DPP10: variants seen among roughly 807,000 people sequenced by gnomAD.
DPP10 encodes inactive dipeptidyl peptidase 10.
In DPP10, 33 loss-of-function variants were observed where a neutral mutation model predicts 120.9. That is an observed-to-expected ratio of 0.27 (90% confidence interval 0.21 to 0.37). The LOEUF (loss-of-function observed/expected upper bound fraction) is 0.37. Among genes scored for constraint, DPP10 ranks in the 10% least tolerant of loss-of-function variants. DPP10 has a pLI of 1.00. For synonymous variants in DPP10, 337 were observed against 326.1 expected (o/e 1.03, Z -0.36); for missense variants, 816 against 942.8 (o/e 0.87, Z 1.76).
chr2:115,451,773 G>C (rs843446), intron 3 of DPP10, among the ~76,000 whole-genome samples: 7 of 151,882 alleles, frequency 4.6e-5, no homozygotes, highest in African/African-American at 1.5e-4. Flanking sequence ...AAAAATTAAC[G>C]CATAAAAGTG....
intron 5 of DPP10, among the ~76,000 whole-genome samples, chr2:115,572,612 A>G (rs959686824): frequency 1.3e-5 from 2 of 152,184 alleles, no homozygotes; most frequent in African/African-American, 2.4e-5. Context: ...TAAAATGTAC[A>G]TAGGACAGAA....
At chr2:114,748,383 TTTA>T (rs1678835110) in intron 1 of DPP10, among the ~76,000 whole-genome samples, 3 of 142,976 alleles carry the variant, frequency 2.1e-5, no homozygotes, top group East Asian at 2.0e-4. Flanking sequence ...TATTTATTTA[TTTA>T]TTTATTTATT....
At chr2:115,712,543 A>ATATATATATATATATATATATATATGT (rs56675119) in intron 7 of DPP10, among the ~76,000 whole-genome samples, 1 of 64,274 alleles carries the variant, frequency 1.6e-5, no homozygotes, top group African/African-American at 5.5e-5. Context: ...TCCTGAATTA[A>ATATATATATATATATATATATATATGT]ATATATATAT....
At chr2:114,586,848 T>C (rs1691023837) in intron 1 of DPP10, among the ~76,000 whole-genome samples, 1 of 152,298 alleles carries the variant, frequency 6.6e-6, no homozygotes, top group African/African-American at 2.4e-5. Context: ...CCATCTCTCT[T>C]TCTTCTCTCT....
chr2:115,560,302 C>G (rs748093897), intron 5 of DPP10, among the ~76,000 whole-genome samples: 2 of 130,510 alleles, frequency 1.5e-5, no homozygotes, highest in African/African-American at 2.9e-5. Flanking sequence ...ACCCGGGAGG[C>G]AGAGCTTGCA....
chr2:114,910,974 C>T (rs1694322026), intron 1 of DPP10, among the ~76,000 whole-genome samples: 1 of 152,046 alleles, frequency 6.6e-6, no homozygotes, highest in South Asian at 2.1e-4. Flanking sequence ...GCTCTTATCC[C>T]CACTATATCT....
chr2:115,489,126 C>T (rs189641681), intron 3 of DPP10, among the ~76,000 whole-genome samples: 71 of 152,044 alleles, frequency 4.7e-4, no homozygotes, highest in African/African-American at 1.6e-3. Context: ...TTTAAAGAAC[C>T]AGAGGGTAAA....
intron 1 of DPP10, chr2:115,161,614 G>A (rs955041098): frequency 1.5e-5 from 3 of 202,166 alleles, no homozygotes; most frequent in South Asian, 1.8e-4. Flanking sequence ...GAAGGCACGA[G>A]GCGTCGCCGC....
intron 21 of DPP10, among the ~76,000 whole-genome samples, chr2:115,832,686 C>T (rs977354868): frequency 6.6e-6 from 1 of 151,974 alleles, no homozygotes; most frequent in Non-Finnish European, 1.5e-5. Flanking sequence ...AATATAACTC[C>T]TTGTATAGCA....
chr2:115,618,009 A>T (rs1472500389), intron 5 of DPP10, among the ~76,000 whole-genome samples: 1 of 152,190 alleles, frequency 6.6e-6, no homozygotes. Context: ...CACCTATGTG[A>T]TAAGATGAAG....
At chr2:115,432,922 G>C (rs1247135735) in intron 3 of DPP10, among the ~76,000 whole-genome samples, 1 of 151,966 alleles carries the variant, frequency 6.6e-6, no homozygotes, top group African/African-American at 2.4e-5. Context: ...CGTGCAACTA[G>C]TTATGGTCCA....
At chr2:115,420,715 C>A (rs2069865171) in intron 3 of DPP10, among the ~76,000 whole-genome samples, 1 of 152,112 alleles carries the variant, frequency 6.6e-6, no homozygotes, top group Admixed American at 6.6e-5. Flanking sequence ...GTAGCCTTGG[C>A]TCCTTTCTGG....
At chr2:114,863,462 T>C (rs771433852) in intron 1 of DPP10, among the ~76,000 whole-genome samples, 10 of 152,126 alleles carry the variant, frequency 6.6e-5, no homozygotes, top group Non-Finnish European at 8.8e-5. Context: ...TTAGTGGTGG[T>C]GAGAGACTTA....
intron 1 of DPP10, among the ~76,000 whole-genome samples, chr2:114,725,357 C>T (rs1001508393): frequency 1.3e-5 from 2 of 152,188 alleles, no homozygotes; most frequent in Non-Finnish European, 2.9e-5. Context: ...TCACCACTTT[C>T]CATCACCTAC....
chr2:115,796,898 A>G (rs543223930), intron 19 of DPP10, among the ~76,000 whole-genome samples: 2 of 152,214 alleles, frequency 1.3e-5, no homozygotes, highest in South Asian at 4.1e-4. Flanking sequence ...AGGAAAAGTT[A>G]AGGTTTGGAC....
At position 115,469,884 on chromosome 2, in the gene DPP10, G is replaced by GAAA. The variant is rs1212190142; in HGVS notation, c.272-29613_272-29611dup. On this transcript the variant is annotated intron_variant, in intron 3 of 25. Transcript: ENST00000410059. ...TTGCACTCCAGCCTGGGCAACAAGAGAAAAAAAAAAAAAAAGAAAAAAAAA... is the reference window on the plus strand; with the variant it reads ...TTGCACTCCAGCCTGGGCAACAAGAGAAAAAAAAAAAAAAAAAAGAAAAAAAAA... Among the ~76,000 whole-genome samples, 17 of 75,548 alleles carry GAAA rather than the reference G, an allele frequency of 2.3e-4. 1 individual carries two copies. The highest frequency in any genetic ancestry group is 3.1e-4 in the Non-Finnish European group (11 of 35,600). The allele number at this position is 75,548 out of a possible 152,430, so 49.6% of individuals were successfully genotyped here. A position where few individuals can be genotyped will look rare whatever the true frequency, so the allele number is the denominator to read the frequency against.
intron 1 of DPP10, among the ~76,000 whole-genome samples, chr2:114,729,485 G>A (rs887530996): frequency 3.9e-5 from 6 of 152,208 alleles, no homozygotes; most frequent in African/African-American, 1.4e-4. Context: ...CCAAAATGAA[G>A]AGCAAGGCCC....
intron 4 of DPP10, among the ~76,000 whole-genome samples, chr2:115,506,394 G>T (rs1481263727): frequency 2.0e-5 from 3 of 152,060 alleles, no homozygotes; most frequent in East Asian, 1.9e-4. Context: ...ATTTAAAAAA[G>T]TAAAAAATCA....
At chr2:114,968,370 A>G (rs184850183) in intron 1 of DPP10, among the ~76,000 whole-genome samples, 3 of 152,314 alleles carry the variant, frequency 2.0e-5, no homozygotes, top group Admixed American at 1.3e-4. Context: ...TATAGACTTC[A>G]ATTTTAATAG....
Sources: gnomAD v4.1 joint callset for allele counts (sites outside exome capture counted in the v4.1 genomes callset) on GRCh38, gnomAD v4.1.1 for gene constraint, MANE v1.5 for transcripts, NCBI Gene and HGNC (gene_info 2026-07-23, HGNC 2026-07-21) for gene names.